KCNK9: variants seen among roughly 807,000 people sequenced by gnomAD.
KCNK9 encodes the protein potassium two pore domain channel subfamily K member 9.
In KCNK9, 1 loss-of-function variant was observed where a neutral mutation model predicts 10.8. That is an observed-to-expected ratio of 0.09 (90% confidence interval 0.03 to 0.44). The LOEUF is 0.44. Among genes scored for constraint, KCNK9 ranks in the 20% least tolerant of loss-of-function variants. The pLI is 0.97. For missense variants in KCNK9, 303 were observed against 515.0 expected (o/e 0.59, Z 3.98); for synonymous variants, 231 against 222.7 (o/e 1.04, Z -0.33).
At position 139,703,043 on chromosome 8, in the gene KCNK9, C is replaced by G. The variant is rs1444131395; in HGVS notation, c.-51G>C. The G allele has an allele frequency of 4.6e-6, 7 of 1,525,614 alleles. No individual in the cohort carries two copies. The highest frequency in any genetic ancestry group is 6.1e-6 in the Non-Finnish European group (7 of 1,140,536). 94.5% of individuals were successfully genotyped at this position (1,525,614 alleles called of 1,614,324 possible). A position where few individuals can be genotyped will look rare whatever the true frequency, so the allele number is the denominator to read the frequency against. ...GGGGCATGTCCCGCAGGCTCACAGC[C>G]GCGCGCGTCCCACTGCAGCGCCCGG... On this transcript the variant is annotated 5_prime_UTR_variant, in exon 1 of 2. Transcript: ENST00000520439. The surrounding 1 kb of genome is among the most constrained non-coding windows in gnomAD (Gnocchi z 6.4).
At chr8:139,700,522 A>G (rs13264599) in intron 1 of KCNK9, among the ~76,000 whole-genome samples, 1,597 of 115,404 alleles carry the variant, frequency 0.014, 15 homozygotes, top group African/African-American at 0.033. Flanking sequence ...GCGCGCGCGC[A>G]CACACACACA....
At chr8:139,605,463 C>A (rs1273982940) in intron 2 of KCNK9, among the ~76,000 whole-genome samples, 5 of 152,126 alleles carry the variant, frequency 3.3e-5, no homozygotes, top group Non-Finnish European at 7.3e-5. Flanking sequence ...GGAAAGGCCT[C>A]CGAGTAGGCC....
At chr8:139,673,484 C>T (rs1316438721) in intron 1 of KCNK9, among the ~76,000 whole-genome samples, 1 of 152,196 alleles carries the variant, frequency 6.6e-6, no homozygotes, top group African/African-American at 2.4e-5. Context: ...GGGATGCGTG[C>T]AGCCCACCCG....
intron 1 of KCNK9, among the ~76,000 whole-genome samples, chr8:139,668,689 T>C (rs976289152): frequency 3.3e-5 from 5 of 152,236 alleles, no homozygotes; most frequent in South Asian, 2.1e-4. Flanking sequence ...CCCAAAGTGC[T>C]GGGATTACAG....
intron 1 of KCNK9, among the ~76,000 whole-genome samples, chr8:139,623,458 T>G (rs1260902161): frequency 6.6e-6 from 1 of 152,182 alleles, no homozygotes; most frequent in African/African-American, 2.4e-5. Flanking sequence ...CCAGCCAGCC[T>G]GTACCAGGAG....
rs1398422148 is a variant in KCNK9, at chr8:139,697,081, G to A, written c.283+5629C>T. On this transcript the variant is annotated intron_variant, in intron 1 of 1. Transcript: ENST00000520439. The stretch of plus-strand genomic sequence containing the variant: ...TGAATGGATTGATGGACGGGTGGAC[G>A]GGTGGGTGAACAGATGGATGGTGGA... 2.6e-5 allele frequency among the ~76,000 whole-genome samples: 4 copies of A among 152,022 alleles called. 1 individual carries two copies. Among genetic ancestry groups the A allele is most frequent in the Admixed American group, 2.0e-4 (3 of 15,264 alleles).
chr8:139,608,379 C>A (rs576001661), downstream of KCNK9, among the ~76,000 whole-genome samples: 1 of 152,238 alleles, frequency 6.6e-6, no homozygotes, highest in African/African-American at 2.4e-5. Flanking sequence ...TTTCCACCCC[C>A]CAATCCTTCC....
intron 1 of KCNK9, among the ~76,000 whole-genome samples, chr8:139,641,949 G>A (rs752002680): frequency 1.3e-5 from 2 of 152,338 alleles, no homozygotes; most frequent in Non-Finnish European, 2.9e-5. Flanking sequence ...CTCCTCTCAG[G>A]CTCTGCCATA....
intron 1 of KCNK9, among the ~76,000 whole-genome samples, chr8:139,629,702 GGGGGCTCTCC>G (rs1358246194): frequency 6.6e-6 from 1 of 152,104 alleles, no homozygotes; most frequent in African/African-American, 2.4e-5. Flanking sequence ...AGTTTCTGGT[GGGGGCTCTCC>G]GGGGCTTTGA....
chr8:139,617,444 G>A lies in KCNK9; in HGVS notation c.*814C>T, dbSNP rs571618945. Among the ~76,000 whole-genome samples the A allele has an allele frequency of 8.5e-5, 13 of 152,190 alleles. No homozygotes were observed. In the South Asian group the frequency reaches 1.0e-3, roughly 12 times the overall value. On this transcript the variant is annotated 3_prime_UTR_variant, in exon 2 of 2. Coordinates refer to ENST00000520439, the MANE Select transcript of KCNK9 (RefSeq NM_001282534.2). ...CATTTCTAGTTTTTTTGTTGATAGC[G>A]CATACCAGTTTAACAAAGTGCATGC...
intron 1 of KCNK9, among the ~76,000 whole-genome samples, chr8:139,620,141 T>C (rs2542425): frequency 0.37 from 56,023 of 152,104 alleles, 10,868 homozygotes; most frequent in Admixed American, 0.44. Context: ...GGATGGGATC[T>C]TCCCAATATG....
downstream of KCNK9, among the ~76,000 whole-genome samples, chr8:139,610,953 C>T (rs2130086430): frequency 6.6e-6 from 1 of 152,400 alleles, no homozygotes; most frequent in Non-Finnish European, 1.5e-5. Flanking sequence ...GGCCTTGGCC[C>T]ATGCCTTTGC....
rs1217872862 is a variant in KCNK9 at position 139,649,402 on chromosome 8, T to A, written c.284-30303A>T. 3.3e-5 allele frequency among the ~76,000 whole-genome samples: 5 copies of A among 152,010 alleles called. No individual in the cohort carries two copies. The South Asian group carries it at 1.0e-3, about 32-fold the overall frequency. On this transcript the variant is annotated intron_variant, in intron 1 of 1. Transcript: ENST00000520439. Reference sequence around the variant, plus strand: ...GCAAGTGGACACTGAGGGTGTAGAATGAGGAAGGACTTAGCAAAATCAGAA... The same window carrying A: ...GCAAGTGGACACTGAGGGTGTAGAAAGAGGAAGGACTTAGCAAAATCAGAA...
chr8:139,613,862 A>G (rs1814502707), downstream of KCNK9, among the ~76,000 whole-genome samples: 1 of 152,156 alleles, frequency 6.6e-6, no homozygotes, highest in Non-Finnish European at 1.5e-5. Flanking sequence ...ACCCCAAGTC[A>G]CTCCACTTCC....
intron 2 of KCNK9, among the ~76,000 whole-genome samples, chr8:139,606,973 C>G (rs747966924): frequency 6.6e-6 from 1 of 152,064 alleles, no homozygotes; most frequent in Non-Finnish European, 1.5e-5. Flanking sequence ...CCCCCACATC[C>G]CCCCGCAACA....
At chr8:139,619,490 C>T (rs1414464613) in intron 1 of KCNK9, among the ~76,000 whole-genome samples, 1 of 152,172 alleles carries the variant, frequency 6.6e-6, no homozygotes, top group African/African-American at 2.4e-5. Flanking sequence ...AGATTCACTA[C>T]TAAGAGAACT....
Position 139,693,163 on chromosome 8 carries a change from T to C in KCNK9, c.283+9547A>G, listed in dbSNP as rs1046937126. Among the ~76,000 whole-genome samples, 1 of 152,068 alleles carries C rather than the reference T, an allele frequency of 6.6e-6. No homozygotes were observed. Among genetic ancestry groups the C allele is most frequent in the Non-Finnish European group, 1.5e-5 (1 of 68,008 alleles). On this transcript the variant is annotated intron_variant, in intron 1 of 1. Coordinates refer to ENST00000520439, the MANE Select transcript of KCNK9 (RefSeq NM_001282534.2). This position sits in a 1 kb window ranked among gnomAD's most constrained non-coding sequence, Gnocchi z 4.1. ...GGTAAAGGCCTCTCACCTTCCTGAG[T>C]GGGCTGCACCTCACATGTCTGACAG...
chr8:139,646,737 A>C (rs1586660574), intron 1 of KCNK9, among the ~76,000 whole-genome samples: 1 of 152,354 alleles, frequency 6.6e-6, no homozygotes, highest in Middle Eastern at 3.4e-3. Context: ...GGCTTTTGAA[A>C]TCTTTTAAAA....
intron 1 of KCNK9, among the ~76,000 whole-genome samples, chr8:139,621,766 AAAAGATGCAGGG>A (rs1814788875): frequency 6.6e-6 from 1 of 152,192 alleles, no homozygotes; most frequent in African/African-American, 2.4e-5. Flanking sequence ...GGGTAAATAT[AAAAGATGCAGGG>A]GTGGGAATCC....
Sources: gnomAD v4.1 joint callset for allele counts (sites outside exome capture counted in the v4.1 genomes callset) on GRCh38, gnomAD v4.1.1 for gene constraint, Gnocchi (gnomAD v3.1) non-coding constraint, MANE v1.5 for transcripts, NCBI Gene and HGNC (gene_info 2026-07-23, HGNC 2026-07-21) for gene names.